LARS1: variants seen among roughly 807,000 people sequenced by gnomAD.
LARS1 encodes the protein leucine--tRNA ligase, cytoplasmic.
In LARS1, 100 loss-of-function variants were observed where a neutral mutation model predicts 162.8. The ratio of observed to expected loss-of-function variants is 0.61; its 90% CI spans 0.52 to 0.73. LARS1 has a LOEUF of 0.73. LARS1 is among the 30% of genes least tolerant of loss of function. The pLI is 0.00. For missense variants in LARS1, 1,258 were observed against 1,408.9 expected, an observed-to-expected ratio of 0.89 and a Z score of 1.71; for synonymous variants, 457 against 462.8, an observed-to-expected ratio of 0.99 and a Z score of 0.16.
chr5:146,178,419 G>A (rs889187661), intron 1 of LARS1, among the ~76,000 whole-genome samples: 1 of 152,046 alleles, frequency 6.6e-6, no homozygotes, highest in Admixed American at 6.6e-5. Context: ...TTAGAGACAA[G>A]CCTGGCCAAC....
intron 6 of LARS1, among the ~76,000 whole-genome samples, chr5:146,161,218 A>G (rs1337949689): frequency 6.6e-6 from 1 of 152,336 alleles, no homozygotes. Flanking sequence ...CTGAGCCTTC[A>G]GTTGAGTTGT....
chr5:146,166,543 A>G (rs1403023118), intron 5 of LARS1, among the ~76,000 whole-genome samples: 1 of 152,178 alleles, frequency 6.6e-6, no homozygotes, highest in African/African-American at 2.4e-5. Context: ...ATCTCTTAAA[A>G]AACAAAAAGC....
Position 146,177,668 on chromosome 5 carries a change from A to G in LARS1, c.7-3T>C, listed in dbSNP as rs771289579. On this transcript the variant is annotated splice_region_variant and splice_polypyrimidine_tract_variant and intron_variant, in intron 1 of 31. Coordinates refer to ENST00000394434, the MANE Select transcript of LARS1 (RefSeq NM_020117.11). ...ACTTTGGCTGTTCCTTTTCTTTCCTATTGGACACAAAGAGAATAATCCACT... is the reference window on the plus strand; with the variant it reads ...ACTTTGGCTGTTCCTTTTCTTTCCTGTTGGACACAAAGAGAATAATCCACT... The G allele has an allele frequency of 1.3e-5, 19 of 1,481,000 alleles. No individual in the cohort carries two copies. The highest frequency in any genetic ancestry group is 4.2e-5 in the African/African-American group (3 of 71,870). The allele number at this position is 1,481,000 out of a possible 1,614,324, so 91.7% of individuals were successfully genotyped here.
chr5:146,150,942 GACACACACACACAC>G (rs3995492), intron 14 of LARS1, among the ~76,000 whole-genome samples: 6 of 134,808 alleles, frequency 4.5e-5, no homozygotes, highest in East Asian at 2.2e-4. Flanking sequence ...CCGTCAGATA[GACACACACACACAC>G]ACACACACAC....
At chr5:146,139,040 G>GAAA (rs371218055) in intron 21 of LARS1, 32,793 of 202,992 alleles carry the variant, frequency 0.16, 3,627 homozygotes, top group Admixed American at 0.26. Context: ...GTGGATTTGT[G>GAAA]AAAAAAAAAA....
intron 2 of LARS1, among the ~76,000 whole-genome samples, chr5:146,174,848 CA>C (rs1754482399): frequency 6.6e-6 from 1 of 151,804 alleles, no homozygotes; most frequent in Non-Finnish European, 1.5e-5. Flanking sequence ...CTTTGGGAGG[CA>C]AAAGTGGGAG....
intron 24 of LARS1, 62 bp downstream of exon 24, chr5:146,130,957 G>T: frequency 1.1e-6 from 1 of 911,616 alleles, no homozygotes; most frequent in East Asian, 2.7e-5. Flanking sequence ...AGAAAAAAGG[G>T]GGAAAATACA....
In LARS1 at chr5:146,135,597, T is replaced by C; in HGVS notation, c.2212+4A>G. 6.3e-7 allele frequency: 1 copy of C among 1,596,558 alleles called. No individual in the cohort carries two copies. The highest frequency in any genetic ancestry group is 2.2e-5 in the East Asian group (1 of 44,506). ...GAACAGCAATAAGAAAAATGTTTAC[T>C]CACCATCTGCTGAAAATTTGTCAAT... On this transcript the variant is annotated splice_donor_region_variant and intron_variant, in intron 22 of 31. Transcript: ENST00000394434.
chr5:146,149,112 T>G (rs1036303109), intron 15 of LARS1, among the ~76,000 whole-genome samples: 1 of 152,084 alleles, frequency 6.6e-6, no homozygotes, highest in African/African-American at 2.4e-5. Context: ...CTAAAACGAT[T>G]AAATGTTACC....
At position 146,157,390 on chromosome 5, in the gene LARS1, C is replaced by A; in HGVS notation, c.1065+13G>T. ...TTTACGCATTAAAATAAAAAATCTGCTATCCAACTTACCTCCCCCATTAAT... is the reference window on the plus strand; with the variant it reads ...TTTACGCATTAAAATAAAAAATCTGATATCCAACTTACCTCCCCCATTAAT... On this transcript the variant is annotated intron_variant, in intron 10 of 31. Coordinates refer to ENST00000394434, the MANE Select transcript of LARS1 (RefSeq NM_020117.11). 2.5e-6 allele frequency: 4 copies of A among 1,604,746 alleles called. No homozygotes were observed. Among genetic ancestry groups the A allele is most frequent in the Non-Finnish European group, 3.4e-6 (4 of 1,172,434 alleles).
chr5:146,119,348 A>G (rs557742466), intron 31 of LARS1, among the ~76,000 whole-genome samples: 1 of 152,306 alleles, frequency 6.6e-6, no homozygotes, highest in African/African-American at 2.4e-5. Flanking sequence ...ACTTCGAGAG[A>G]ACACAAAATA....
At chr5:146,169,601 T>C (rs1581080798) in intron 4 of LARS1, among the ~76,000 whole-genome samples, 1 of 151,682 alleles carries the variant, frequency 6.6e-6, no homozygotes, top group Non-Finnish European at 1.5e-5. Context: ...CAGGCTGGAG[T>C]GCAATGGCGC....
At chr5:146,162,730 T>C (rs752263062) in intron 6 of LARS1, among the ~76,000 whole-genome samples, 5 of 152,264 alleles carry the variant, frequency 3.3e-5, no homozygotes, top group Admixed American at 1.3e-4. Context: ...TTTGTCTACA[T>C]AGAAAATCTG....
Position 146,118,036 on chromosome 5 carries a change from G to A in LARS1, c.3325+2335C>T, listed in dbSNP as rs1751649020. On this transcript the variant is annotated intron_variant, in intron 31 of 31. Coordinates refer to ENST00000394434, the MANE Select transcript of LARS1 (RefSeq NM_020117.11). ...TATATCCAGTAAGAAATGAAGAAATGAAATCAGTATGTTGAAGAGATATCT... is the reference window on the plus strand; with the variant it reads ...TATATCCAGTAAGAAATGAAGAAATAAAATCAGTATGTTGAAGAGATATCT... Among the ~76,000 whole-genome samples, 3 of 152,240 alleles carry A rather than the reference G, an allele frequency of 2.0e-5. No homozygotes were observed. In the South Asian group the frequency reaches 6.2e-4, roughly 32 times the overall value.
chr5:146,161,771 T>G (rs1360827763), intron 6 of LARS1, among the ~76,000 whole-genome samples: 1 of 142,214 alleles, frequency 7.0e-6, no homozygotes, highest in Non-Finnish European at 1.6e-5. Context: ...AAAAAAAAAT[T>G]TGGAGTGAAT....
intron 1 of LARS1, among the ~76,000 whole-genome samples, chr5:146,178,703 A>C (rs1477839588): frequency 6.6e-6 from 1 of 152,130 alleles, no homozygotes; most frequent in African/African-American, 2.4e-5. Context: ...AGAAATAATA[A>C]GCCTGCACAA....
chr5:146,124,002 A>G lies in LARS1; in HGVS notation c.3076T>C (p.Tyr1026His). ...EKAVLMENIV[Y>H]LTNSLELEHI... ...CTTACCTCAAGCGAATTAGTCAGAT[A>G]GACTATATTCTCCATAAGCACAGCC... The change falls in exon 29 of 32, where the codon TAT becomes CAT. Residue 1026 changes from tyrosine (Y) to histidine (H), a missense_variant. Coordinates refer to ENST00000394434, the MANE Select transcript of LARS1 (RefSeq NM_020117.11). 2 of 1,603,474 alleles carry G rather than the reference A, an allele frequency of 1.2e-6. No individual in the cohort carries two copies. Among genetic ancestry groups the G allele is most frequent in the East Asian group, 2.2e-5 (1 of 44,734 alleles).
At chr5:146,154,109 A>G (rs1192792700) in intron 10 of LARS1, 129 bp from the exon 11 acceptor site, 2 of 634,062 alleles carry the variant, frequency 3.2e-6, no homozygotes, top group Non-Finnish European at 5.5e-6. Flanking sequence ...TTCAAGAGCT[A>G]TATTGTACAA....
intron 4 of LARS1, 90 bp from the exon 5 acceptor site, chr5:146,168,355 T>A: frequency 1.4e-6 from 2 of 1,422,760 alleles, no homozygotes; most frequent in Non-Finnish European, 1.9e-6. Flanking sequence ...TAAAATTGAC[T>A]CTGAAATTTT....
Sources: gnomAD v4.1 joint callset for allele counts (sites outside exome capture counted in the v4.1 genomes callset) on GRCh38, gnomAD v4.1.1 for gene constraint, MANE v1.5 for transcripts, NCBI Gene and HGNC (gene_info 2026-07-23, HGNC 2026-07-21) for gene names.